Variants in BICRAL observed in about 807,000 individuals in gnomAD.
The protein encoded by BICRAL is BICRA like chromatin remodeling complex associated protein.
BICRAL carries 8 observed loss-of-function variants against 91.8 expected under a neutral mutation model. The observed-to-expected ratio is 0.09, with a 90% CI of 0.05 to 0.16. BICRAL has a LOEUF of 0.16. Ranked by LOEUF, BICRAL falls within the 10% of genes least tolerant of loss-of-function variation. The pLI, the probability that BICRAL is intolerant of heterozygous loss-of-function variation, is 1.00. For missense variants in BICRAL, 1,038 were observed against 1,310.9 expected (o/e 0.79, Z 3.21); for synonymous variants, 445 against 491.1 (o/e 0.91, Z 1.24).
chr6:42,866,578 A>G lies in BICRAL; in HGVS notation c.*1132A>G, dbSNP rs1211103086. 3.2e-6 allele frequency: 1 copy of G among 314,258 alleles called. No homozygotes were observed. Among genetic ancestry groups the G allele is most frequent in the African/African-American group, 2.2e-5 (1 of 46,168 alleles). The allele number at this position is 314,258 out of a possible 1,614,324, so 19.5% of individuals were successfully genotyped here. A position where few individuals can be genotyped will look rare whatever the true frequency, so the allele number is the denominator to read the frequency against. Reference sequence around the variant, plus strand: ...TGCTTCTTGTCTGAGAACAGTAGTGACCCCTGGCAGCAATTCATTACCAAA... The same window carrying G: ...TGCTTCTTGTCTGAGAACAGTAGTGGCCCCTGGCAGCAATTCATTACCAAA... On this transcript the variant is annotated 3_prime_UTR_variant, in exon 13 of 13. Coordinates refer to ENST00000314073, the MANE Select transcript of BICRAL (RefSeq NM_001393499.1).
intron 10 of BICRAL, among the ~76,000 whole-genome samples, chr6:42,857,614 A>AAAAAATATATATATATAT: frequency 2.8e-4 from 27 of 96,172 alleles, no homozygotes; most frequent in African/African-American, 1.6e-3. Context: ...AAAAAAAAAA[A>AAAAAATATATATATATAT]ATATATATAT....
Position 42,857,018 on chromosome 6 carries a change from A to T in BICRAL, c.2109-73A>T, listed in dbSNP as rs9462840. On this transcript the variant is annotated intron_variant, in intron 9 of 12. Transcript: ENST00000314073. ...TTCCTATATATCTTATTTTATTTGC[A>T]TGCAAATAAATATGACTAGATTTAA... The T allele has an allele frequency of 1.4e-5, 17 of 1,246,052 alleles. No homozygotes were observed. The East Asian group carries it at 3.5e-4, about 26-fold the overall frequency. 77.2% of individuals were successfully genotyped at this position (1,246,052 alleles called of 1,614,324 possible).
At chr6:42,753,965 C>T (rs1445723359) in intron 1 of BICRAL, among the ~76,000 whole-genome samples, 2 of 149,258 alleles carry the variant, frequency 1.3e-5, no homozygotes, top group Non-Finnish European at 3.0e-5. Context: ...AGCCACTACA[C>T]TTCATGGGAA....
At position 42,852,338 on chromosome 6, in the gene BICRAL, G is replaced by A. The variant is rs182864112; in HGVS notation, c.1945+141G>A. 50 of 711,966 alleles carry A rather than the reference G, an allele frequency of 7.0e-5. 1 individual carries two copies. Among genetic ancestry groups the A allele is most frequent in the Admixed American group, 6.0e-4 (30 of 49,862 alleles). The allele number at this position is 711,966 out of a possible 1,614,324, so 44.1% of individuals were successfully genotyped here. On this transcript the variant is annotated intron_variant, in intron 7 of 12. Transcript: ENST00000314073. ...ATTCCTTTCTTTCTGTATCCTTTCC[G>A]CAAATAATATACTGTGTTGCATCAA...
At chr6:42,857,827 T>TTTG (rs1314904692) in intron 10 of BICRAL, among the ~76,000 whole-genome samples, 1 of 139,424 alleles carries the variant, frequency 7.2e-6, no homozygotes, top group African/African-American at 2.8e-5. Context: ...TTTTTTTTTT[T>TTTG]GAGATGGAGT....
At position 42,857,165 on chromosome 6, in the gene BICRAL, A is replaced by T; in HGVS notation, c.2183A>T (p.Asp728Val). 7 of 1,613,546 alleles carry T rather than the reference A, an allele frequency of 4.3e-6. No homozygotes were observed. The highest frequency in any genetic ancestry group is 5.9e-6 in the Non-Finnish European group (7 of 1,179,498). ...AAAAGTCACTTCCGATCACTAAGTG[A>T]TGCGGTACAGAGACTGCTCTCCTAC... ...PDKSHFRSLSDAVQRLLSYHV... is the reference protein window; with the variant it reads ...PDKSHFRSLSVAVQRLLSYHV... Residue 728 changes from aspartate (D) to valine (V), a missense_variant, in exon 10 of 13, where the codon GAT becomes GTT. Physicochemically the swap from Asp to Val is radical, Grantham distance 152. This residue lies in a region of BICRAL where 294 missense variants were observed against 292.6 expected (regional missense o/e 1.00). Coordinates refer to ENST00000314073, the MANE Select transcript of BICRAL (RefSeq NM_001393499.1).
intron 1 of BICRAL, among the ~76,000 whole-genome samples, chr6:42,804,528 A>C (rs759045675): frequency 1.3e-5 from 2 of 152,224 alleles, no homozygotes; most frequent in Non-Finnish European, 2.9e-5. Flanking sequence ...CAAGACCTTT[A>C]GGATAAGTAG....
chr6:42,754,883 G>A (rs747652158), intron 1 of BICRAL, among the ~76,000 whole-genome samples: 3 of 152,212 alleles, frequency 2.0e-5, no homozygotes, highest in African/African-American at 4.8e-5. Flanking sequence ...GCAACAAAAC[G>A]AGACCCTGTC....
intron 1 of BICRAL, among the ~76,000 whole-genome samples, chr6:42,790,790 C>T (rs764888973): frequency 4.6e-5 from 7 of 151,960 alleles, no homozygotes; most frequent in Non-Finnish European, 1.0e-4. Flanking sequence ...AGATGCGTTT[C>T]TGCATGGCAT....
intron 3 of BICRAL, 90 bp downstream of exon 3, chr6:42,822,153 G>A (rs1764154176): frequency 9.9e-6 from 7 of 707,154 alleles, no homozygotes; most frequent in Middle Eastern, 4.9e-4. Flanking sequence ...CACCTGATAG[G>A]TATTTTAAAT....
At chr6:42,808,079 A>ATAT (rs1267342107) in intron 1 of BICRAL, among the ~76,000 whole-genome samples, 2 of 151,510 alleles carry the variant, frequency 1.3e-5, no homozygotes, top group Non-Finnish European at 2.9e-5. Flanking sequence ...TTTGCTGGGG[A>ATAT]TATGAAGACA....
In BICRAL at chr6:42,829,539, T is replaced by C. The variant is rs1764410966; in HGVS notation, c.1206T>C (p.Leu402=). 1 of 1,614,058 alleles carries C rather than the reference T, an allele frequency of 6.2e-7. No individual in the cohort carries two copies. Among genetic ancestry groups the C allele is most frequent in the Non-Finnish European group, 8.5e-7 (1 of 1,180,034 alleles). The change falls in exon 6 of 13, where the codon CTT becomes CTC. Residue 402 remains leucine, a synonymous_variant. Transcript: ENST00000314073. ...CTCACGCACCCCAAAGTCAGTTCCTTATACCTACAAGCCTTTCTGTCAGTT... is the reference window on the plus strand; with the variant it reads ...CTCACGCACCCCAAAGTCAGTTCCTCATACCTACAAGCCTTTCTGTCAGTT... ...GQPHAPQSQF[L]IPTSLSVSSN...
chr6:42,823,527 C>T (rs1261851889), intron 5 of BICRAL, among the ~76,000 whole-genome samples: 1 of 152,208 alleles, frequency 6.6e-6, no homozygotes, highest in Non-Finnish European at 1.5e-5. Flanking sequence ...GTAGCTCACA[C>T]CTGTAATCTC....
chr6:42,843,260 T>C (rs1291473072), intron 6 of BICRAL, among the ~76,000 whole-genome samples: 2 of 152,070 alleles, frequency 1.3e-5, no homozygotes, highest in Non-Finnish European at 2.9e-5. Context: ...GAGGTGGTGG[T>C]CTCTGAGAGT....
intron 1 of BICRAL, among the ~76,000 whole-genome samples, chr6:42,805,696 G>T (rs1763685198): frequency 6.6e-6 from 1 of 152,052 alleles, no homozygotes; most frequent in Non-Finnish European, 1.5e-5. Context: ...ATATGAGTCA[G>T]TGTGCTAAAG....
rs890774884 is a variant in BICRAL at position 42,866,358 on chromosome 6, A to G, written c.*912A>G. ...TATATATGTTAACTATTGAGAAAAA[A>G]CAAGTTTTGCATTTTATAATTGGAT... On this transcript the variant is annotated 3_prime_UTR_variant, in exon 13 of 13. Transcript: ENST00000314073. The G allele has an allele frequency of 6.0e-5, 10 of 167,792 alleles. 1 individual carries two copies. The highest frequency in any genetic ancestry group is 5.7e-4 in the Admixed American group (10 of 17,546). 10.4% of individuals were successfully genotyped at this position (167,792 alleles called of 1,614,324 possible).
intron 6 of BICRAL, among the ~76,000 whole-genome samples, chr6:42,835,975 G>T (rs903970233): frequency 2.2e-4 from 33 of 150,854 alleles, no homozygotes; most frequent in African/African-American, 8.2e-4. Flanking sequence ...CAGTTAATTA[G>T]TAAGAATGTA....
intron 1 of BICRAL, among the ~76,000 whole-genome samples, chr6:42,796,172 A>G (rs896525732): frequency 5.9e-5 from 9 of 152,356 alleles, no homozygotes; most frequent in African/African-American, 1.9e-4. Flanking sequence ...AAGACAGACA[A>G]TAAACCTAAG....
chr6:42,859,880 C>A (rs113589339), intron 10 of BICRAL, among the ~76,000 whole-genome samples: 1 of 151,982 alleles, frequency 6.6e-6, no homozygotes, highest in African/African-American at 2.4e-5. Flanking sequence ...CTCCTGACCT[C>A]GTGATCCGCC....
Sources: gnomAD v4.1 joint callset for allele counts (sites outside exome capture counted in the v4.1 genomes callset) on GRCh38, gnomAD v4.1.1 for gene constraint, gnomAD v4.1.1 regional missense constraint, MANE v1.5 for transcripts, NCBI Gene and HGNC (gene_info 2026-07-23, HGNC 2026-07-21) for gene names.